SPATA21: variants seen among roughly 807,000 people sequenced by gnomAD.
The protein encoded by SPATA21 is spermatogenesis-associated protein 21.
A neutral mutation model predicts 54.8 loss-of-function variants in SPATA21; 47 were observed. The observed-to-expected ratio is 0.86, with a 90% confidence interval of 0.68 to 1.09. The LOEUF is 1.09. Among genes scored for constraint, SPATA21 ranks in the 50% least tolerant of loss-of-function variants. The pLI is 0.00. For missense variants in SPATA21, 599 were observed against 596.4 expected (o/e 1.00, Z -0.05); for synonymous variants, 245 against 235.3 (o/e 1.04, Z -0.38).
chr1:16,429,828 A>T (rs2086413535), intron 3 of SPATA21, among the ~76,000 whole-genome samples: 1 of 149,926 alleles, frequency 6.7e-6, no homozygotes, highest in African/African-American at 2.5e-5. Flanking sequence ...GATGGTGAGG[A>T]GGGTCTTCTT....
rs544076119 is a variant in SPATA21 at position 16,427,779 on chromosome 1, G to A, written c.34+3559C>T. ...TGGGTGGAGCTGCCTTGGCCTGGGA[G>A]TTCTCCATTCTCTCTCTCTCCCCCG... On this transcript the variant is annotated intron_variant, in intron 3 of 12. Transcript: ENST00000335496. 4.6e-5 allele frequency: 66 copies of A among 1,438,408 alleles called. No homozygotes were observed. The Middle Eastern group carries it at 1.0e-3, about 23-fold the overall frequency. The allele number at this position is 1,438,408 out of a possible 1,614,324, so 89.1% of individuals were successfully genotyped here. A position where few individuals can be genotyped will look rare whatever the true frequency, so the allele number is the denominator to read the frequency against.
intron 7 of SPATA21, among the ~76,000 whole-genome samples, chr1:16,407,884 G>C (rs1341534541): frequency 1.3e-5 from 2 of 152,168 alleles, no homozygotes; most frequent in African/African-American, 4.8e-5. Context: ...TCCCACCTCA[G>C]CCTCCTGGGT....
chr1:16,428,084 C>A lies in SPATA21; in HGVS notation c.34+3254G>T. 1 of 1,490,908 alleles carries A rather than the reference C, an allele frequency of 6.7e-7. No homozygotes were observed. The highest frequency in any genetic ancestry group is 9.0e-7 in the Non-Finnish European group (1 of 1,105,754). 92.4% of individuals were successfully genotyped at this position (1,490,908 alleles called of 1,614,324 possible). ...AGTACCCGTTCTGGAGTGATCCCTC[C>A]CACTCCTCCCTGGGTACTCTTCTGG... On this transcript the variant is annotated intron_variant, in intron 3 of 12. Transcript: ENST00000335496. This position sits in a 1 kb window ranked among gnomAD's most constrained non-coding sequence, Gnocchi z 4.3.
At chr1:16,427,081 G>C (rs2086344217) in intron 3 of SPATA21, among the ~76,000 whole-genome samples, 1 of 152,158 alleles carries the variant, frequency 6.6e-6, no homozygotes, top group South Asian at 2.1e-4. Context: ...ATGTGACAGT[G>C]AAAGTCTTTG....
chr1:16,431,512 C>A, intron 2 of SPATA21, 90 bp from the exon 3 acceptor site: 1 of 1,300,582 alleles, frequency 7.7e-7, no homozygotes, highest in South Asian at 1.5e-5. Context: ...TGTAGACAGC[C>A]TGGCTCGAGG....
At position 16,412,169 on chromosome 1, in the gene SPATA21, C is replaced by T. The variant is rs557099066; in HGVS notation, c.145-2126G>A. Among the ~76,000 whole-genome samples, 7 of 152,288 alleles carry T rather than the reference C, an allele frequency of 4.6e-5. No individual in the cohort carries two copies. The South Asian group carries it at 6.2e-4, about 14-fold the overall frequency. Reference sequence around the variant, plus strand: ...TGTTGCAGAGACCCAGGGATTTGTCCTCAGTCCTTCCCCTGCTCTGGACTC... The same window carrying T: ...TGTTGCAGAGACCCAGGGATTTGTCTTCAGTCCTTCCCCTGCTCTGGACTC... On this transcript the variant is annotated intron_variant, in intron 5 of 12. Transcript: ENST00000335496.
At chr1:16,432,127 T>TG (rs1480106426) in intron 2 of SPATA21, among the ~76,000 whole-genome samples, 5 of 149,446 alleles carry the variant, frequency 3.3e-5, no homozygotes, top group African/African-American at 1.2e-4. Flanking sequence ...TTTTTTTTTT[T>TG]TTTGTTTGTT....
chr1:16,433,575 C>G (rs1307729435), intron 1 of SPATA21, among the ~76,000 whole-genome samples: 1 of 152,238 alleles, frequency 6.6e-6, no homozygotes, highest in Non-Finnish European at 1.5e-5. Context: ...TGTCCACTGT[C>G]TCTGCCTGAG....
rs1488410740 is a variant in SPATA21, at chr1:16,403,853, A to G, written c.884-9T>C. 5.0e-6 allele frequency: 8 copies of G among 1,609,624 alleles called. No homozygotes were observed. In the East Asian group the frequency reaches 8.9e-5, roughly 18 times the overall value. ...CGACAGGGCGTTCTGTTCTGGAGAC[A>G]TGGGATAGTGGCTGCCGTTACCACT... On this transcript the variant is annotated splice_polypyrimidine_tract_variant and intron_variant, in intron 9 of 12. Coordinates refer to ENST00000335496, the MANE Select transcript of SPATA21 (RefSeq NM_198546.1).
At chr1:16,411,941 C>T (rs1244658422) in intron 5 of SPATA21, among the ~76,000 whole-genome samples, 1 of 152,104 alleles carries the variant, frequency 6.6e-6, no homozygotes, top group African/African-American at 2.4e-5. Flanking sequence ...CAGGCTCTGC[C>T]CAGCACTCCC....
At position 16,400,751 on chromosome 1, in the gene SPATA21, A is replaced by T. The variant is rs553119334; in HGVS notation, c.1143T>A (p.Ser381Arg). 6.2e-7 allele frequency: 1 copy of T among 1,614,156 alleles called. No individual in the cohort carries two copies. Among genetic ancestry groups the T allele is most frequent in the Non-Finnish European group, 8.5e-7 (1 of 1,180,008 alleles). ...SSEVPERKVL[S>R]ILSRLKQQNY... ...TCTGCTGCTTCAGCCGGCTCAGGAT[A>T]CTGAGGACCTTTCGTTCTGGAACTT... is the stretch of plus-strand genomic sequence containing the variant. The change falls in exon 11 of 13, where the codon AGT becomes AGA. Residue 381 changes from serine (S) to arginine (R), a missense_variant. Ser to Arg is a moderately radical substitution (Grantham distance 110). Coordinates refer to ENST00000335496, the MANE Select transcript of SPATA21 (RefSeq NM_198546.1).
chr1:16,400,453 CTT>C, intron 11 of SPATA21: 2 of 1,185,322 alleles, frequency 1.7e-6, no homozygotes, highest in South Asian at 3.0e-5. Context: ...TACAGCTGTT[CTT>C]TCTCAGTCCT....
chr1:16,433,876 T>G (rs529371224), intron 1 of SPATA21, among the ~76,000 whole-genome samples: 1 of 152,320 alleles, frequency 6.6e-6, no homozygotes, highest in Admixed American at 6.5e-5. Context: ...TACCATACAG[T>G]TCACCCATTT....
chr1:16,432,857 C>A lies in SPATA21; in HGVS notation c.-119G>T, dbSNP rs955190994. On this transcript the variant is annotated 5_prime_UTR_variant, in exon 2 of 13. Coordinates refer to ENST00000335496, the MANE Select transcript of SPATA21 (RefSeq NM_198546.1). ...AGGCCCGCCAGCATCCACGGAGGAA[C>A]CTTCCATGTGCTGGAAACCTTTGTA... 5 of 152,270 alleles carry A rather than the reference C, an allele frequency of 3.3e-5. No homozygotes were observed. The highest frequency in any genetic ancestry group is 2.1e-4 in the South Asian group (1 of 4,838). The allele number at this position is 152,270 out of a possible 1,614,324, so 9.4% of individuals were successfully genotyped here.
Position 16,399,413 on chromosome 1 carries a change from T to A in SPATA21, c.1283A>T (p.Gln428Leu). 1 of 1,613,686 alleles carries A rather than the reference T, an allele frequency of 6.2e-7. No homozygotes were observed. Among genetic ancestry groups the A allele is most frequent in the Non-Finnish European group, 8.5e-7 (1 of 1,180,006 alleles). ...AGGATCCAGGCCAGGGGGTGTGCAC[T>A]GGTCTAGTGCATAGTGGTTGCTCGG... The part of the protein sequence containing the change: ...RQPSNHYALD[Q>L]CTPPGLDPDI... The change falls in exon 12 of 13, where the codon CAG becomes CTG. Residue 428 changes from glutamine (Q) to leucine (L), a missense_variant. Transcript: ENST00000335496.
At chr1:16,403,220 G>A (rs2085509437) in intron 10 of SPATA21, among the ~76,000 whole-genome samples, 1 of 152,142 alleles carries the variant, frequency 6.6e-6, no homozygotes, top group African/African-American at 2.4e-5. Context: ...CCTTTCCTGG[G>A]ACTGCTCAGT....
At chr1:16,416,884 G>A (rs935889156) in intron 5 of SPATA21, among the ~76,000 whole-genome samples, 7 of 152,110 alleles carry the variant, frequency 4.6e-5, no homozygotes, top group East Asian at 3.9e-4. Context: ...TGCGGCACAC[G>A]CAGACAGGAC....
At chr1:16,405,152 G>A (rs526481) in intron 7 of SPATA21, 48 bp from the exon 8 acceptor site, 219 of 1,564,606 alleles carry the variant, frequency 1.4e-4, no homozygotes, top group Non-Finnish European at 1.8e-4. Flanking sequence ...TCTTGTTTCT[G>A]TCATTCATCC....
chr1:16,401,448 A>T (rs935407038), intron 10 of SPATA21, among the ~76,000 whole-genome samples: 1 of 152,000 alleles, frequency 6.6e-6, no homozygotes, highest in Admixed American at 6.6e-5. Context: ...GGCACCAACC[A>T]CCACACCCAG....
Sources: gnomAD v4.1 joint callset for allele counts (sites outside exome capture counted in the v4.1 genomes callset) on GRCh38, gnomAD v4.1.1 for gene constraint, Gnocchi (gnomAD v3.1) non-coding constraint, MANE v1.5 for transcripts, NCBI Gene and HGNC (gene_info 2026-07-23, HGNC 2026-07-21) for gene names.